MPP7: variants seen among roughly 807,000 people sequenced by gnomAD.
MPP7 encodes the protein MAGUK p55 subfamily member 7.
MPP7 carries 60 observed loss-of-function variants against 76.5 expected under a neutral mutation model. That is an observed-to-expected ratio of 0.78 (90% CI 0.64 to 0.97). The LOEUF (loss-of-function observed/expected upper bound fraction) is 0.97, where lower values mean the gene tolerates loss of function less well. MPP7 is among the 50% of genes least tolerant of loss of function. The pLI is 0.00. For synonymous variants in MPP7, 237 were observed against 244.5 expected (o/e 0.97, Z 0.29); for missense variants, 641 against 694.0 (o/e 0.92, Z 0.86).
At chr10:28,143,855 C>CTGTGTG (rs60960005) in intron 5 of MPP7, among the ~76,000 whole-genome samples, 50 of 134,446 alleles carry the variant, frequency 3.7e-4, no homozygotes, top group African/African-American at 1.2e-3. Context: ...CAATCGTGTG[C>CTGTGTG]TGTGTGTGTG....
chr10:28,177,831 T>C (rs1370658374), intron 3 of MPP7, among the ~76,000 whole-genome samples: 1 of 152,144 alleles, frequency 6.6e-6, no homozygotes, highest in South Asian at 2.1e-4. Flanking sequence ...AACACTGTCA[T>C]GCTGGCGGAT....
At chr10:28,231,206 T>C (rs543614825) in intron 2 of MPP7, among the ~76,000 whole-genome samples, 1 of 151,748 alleles carries the variant, frequency 6.6e-6, no homozygotes, top group African/African-American at 2.4e-5. Context: ...CTTATGTGAA[T>C]ATTTTTTTAA....
upstream of MPP7, among the ~76,000 whole-genome samples, chr10:28,306,802 AAGTT>A (rs1328766675): frequency 6.6e-6 from 1 of 152,204 alleles, no homozygotes; most frequent in Non-Finnish European, 1.5e-5. Context: ...AGGCAAAAAT[AAGTT>A]AGTCCTCAGG....
intron 1 of MPP7, among the ~76,000 whole-genome samples, chr10:28,274,652 C>T (rs1840436864): frequency 6.6e-6 from 1 of 152,154 alleles, no homozygotes; most frequent in African/African-American, 2.4e-5. Context: ...TTACACAGTG[C>T]CTACACTACA....
In MPP7 at chr10:28,154,698, T is replaced by C. The variant is rs1479855156; in HGVS notation, c.157-4639A>G. ...TCCCAGAATAATGTTCTAGAGAAAG[T>C]AGCCAGGGCATTAAACATTTCTTTG... On this transcript the variant is annotated intron_variant, in intron 3 of 16. Coordinates refer to ENST00000683449, the MANE Select transcript of MPP7 (RefSeq NM_001318170.2). Among the ~76,000 whole-genome samples the C allele has an allele frequency of 2.1e-5, 3 of 144,972 alleles. No individual in the cohort carries two copies. In the Admixed American group the frequency reaches 2.2e-4, roughly 11 times the overall value.
At chr10:28,285,079 T>C (rs1312639456) in intron 1 of MPP7, among the ~76,000 whole-genome samples, 1 of 152,242 alleles carries the variant, frequency 6.6e-6, no homozygotes, top group Non-Finnish European at 1.5e-5. Context: ...CAATTTAATT[T>C]ACACAACCTG....
At chr10:28,216,801 T>C (rs1588938420) in intron 2 of MPP7, among the ~76,000 whole-genome samples, 1 of 152,106 alleles carries the variant, frequency 6.6e-6, no homozygotes, top group Admixed American at 6.5e-5. Flanking sequence ...ACTCTTGAAG[T>C]GACAGCACAA....
chr10:28,084,016 AG>A (rs1852888954), intron 12 of MPP7, among the ~76,000 whole-genome samples: 1 of 152,232 alleles, frequency 6.6e-6, no homozygotes, highest in South Asian at 2.1e-4. Context: ...AAATAGGAAA[AG>A]AACGTGTTAG....
At position 28,217,318 on chromosome 10, in the gene MPP7, C is replaced by T. The variant is rs188022068; in HGVS notation, c.38-15047G>A. Among the ~76,000 whole-genome samples the T allele has an allele frequency of 2.9e-3, 442 of 152,072 alleles. 1 individual carries two copies. Among genetic ancestry groups the T allele is most frequent in the African/African-American group, 0.01 (430 of 41,516 alleles). On this transcript the variant is annotated intron_variant, in intron 2 of 16. Coordinates refer to ENST00000683449, the MANE Select transcript of MPP7 (RefSeq NM_001318170.2). Reference sequence around the variant, plus strand: ...CCAAGGCAGGTGGATTGCTTGAGCCCAGGATCTTCAGACCAGCCTGGGCAA... The same window carrying T: ...CCAAGGCAGGTGGATTGCTTGAGCCTAGGATCTTCAGACCAGCCTGGGCAA...
intron 5 of MPP7, among the ~76,000 whole-genome samples, chr10:28,134,065 T>C (rs1253827508): frequency 6.6e-6 from 1 of 152,206 alleles, no homozygotes; most frequent in African/African-American, 2.4e-5. Flanking sequence ...TTTAAGTATA[T>C]TTAAGAGTAG....
At chr10:28,276,459 C>T (rs1409096146) in intron 1 of MPP7, among the ~76,000 whole-genome samples, 2 of 152,120 alleles carry the variant, frequency 1.3e-5, no homozygotes, top group East Asian at 1.9e-4. Flanking sequence ...ATGGGATTTA[C>T]AGCTGAGATG....
At chr10:28,231,171 C>CAA (rs763329834) in intron 2 of MPP7, among the ~76,000 whole-genome samples, 80 of 99,048 alleles carry the variant, frequency 8.1e-4, no homozygotes, top group African/African-American at 2.8e-3. Flanking sequence ...AAATCAGTAA[C>CAA]AAAAAAAAAA....
chr10:28,187,720 A>C (rs1837283833), intron 3 of MPP7, among the ~76,000 whole-genome samples: 1 of 152,178 alleles, frequency 6.6e-6, no homozygotes, highest in Non-Finnish European at 1.5e-5. Flanking sequence ...CTAATATGTA[A>C]ATATCTCCTT....
At chr10:28,112,091 A>T (rs1430540342) in intron 11 of MPP7, among the ~76,000 whole-genome samples, 1 of 152,218 alleles carries the variant, frequency 6.6e-6, no homozygotes, top group Non-Finnish European at 1.5e-5. Context: ...CATTATTATT[A>T]TTCAGGCTCG....
intron 13 of MPP7, among the ~76,000 whole-genome samples, chr10:28,062,836 G>C (rs1851846812): frequency 6.6e-6 from 1 of 152,158 alleles, no homozygotes; most frequent in African/African-American, 2.4e-5. Flanking sequence ...GTAACAACAT[G>C]AAAAATAACT....
intron 3 of MPP7, among the ~76,000 whole-genome samples, chr10:28,180,342 A>G (rs931233208): frequency 7.2e-5 from 11 of 152,322 alleles, no homozygotes; most frequent in African/African-American, 2.6e-4. Flanking sequence ...CTTACAAGAC[A>G]TATCACCCTT....
At chr10:28,108,551 C>A (rs537225126) in intron 11 of MPP7, among the ~76,000 whole-genome samples, 1 of 151,606 alleles carries the variant, frequency 6.6e-6, no homozygotes, top group Non-Finnish European at 1.5e-5. Flanking sequence ...AAGCTACTTG[C>A]GAGGCTGAGG....
intron 2 of MPP7, among the ~76,000 whole-genome samples, chr10:28,217,901 CA>C (rs1838366943): frequency 6.6e-6 from 1 of 152,068 alleles, no homozygotes; most frequent in Admixed American, 6.6e-5. Context: ...CAAAGCAAGG[CA>C]AAAAATAAAA....
chr10:28,238,815 C>A (rs1475549375), intron 1 of MPP7, 80 bp from the exon 2 acceptor site: 1 of 586,910 alleles, frequency 1.7e-6, no homozygotes, highest in Non-Finnish European at 3.0e-6. Context: ...ATTCAAAATT[C>A]TCATCCCAAT....
Sources: allele counts gnomAD v4.1 joint callset (sites outside exome capture counted in the v4.1 genomes callset), GRCh38; gene constraint gnomAD v4.1.1; transcripts MANE v1.5; gene names NCBI Gene and HGNC (gene_info 2026-07-23, HGNC 2026-07-21).